LNPEP: variants seen among roughly 807,000 people sequenced by gnomAD.
LNPEP encodes leucyl-cystinyl aminopeptidase.
Under a neutral mutation model 120.6 loss-of-function variants are expected in LNPEP, and 64 were observed. The observed-to-expected ratio is 0.53, with a 90% CI of 0.43 to 0.65. The LOEUF (loss-of-function observed/expected upper bound fraction) is 0.65, where lower values mean the gene tolerates loss of function less well. LNPEP is among the 30% of genes least tolerant of loss of function. The pLI, the probability that LNPEP is intolerant of heterozygous loss-of-function variation, is 0.00. For missense variants in LNPEP, 1,057 were observed against 1,200.0 expected (o/e 0.88, Z 1.76); for synonymous variants, 435 against 425.4 (o/e 1.02, Z -0.28).
chr5:97,021,923 G>GT (rs1165456605), intron 13 of LNPEP, among the ~76,000 whole-genome samples: 1,722 of 57,196 alleles, frequency 0.03, 362 homozygotes, highest in African/African-American at 0.082. Context: ...TTTGTCTTTT[G>GT]TTTTTTTTTT....
chr5:96,990,028 A>G (rs2112623078), intron 4 of LNPEP, among the ~76,000 whole-genome samples: 1 of 152,260 alleles, frequency 6.6e-6, no homozygotes, highest in South Asian at 2.1e-4. Context: ...ATCTGGAGGT[A>G]TGAGTGATGT....
chr5:96,973,948 T>C (rs1475545494), intron 1 of LNPEP, among the ~76,000 whole-genome samples: 2 of 152,102 alleles, frequency 1.3e-5, no homozygotes, highest in African/African-American at 4.8e-5. Flanking sequence ...GCACTGTAAA[T>C]TTGCCTTCTC....
Position 97,024,696 on chromosome 5 carries a change from G to A in LNPEP, c.2723+14G>A, listed in dbSNP as rs111814056. ...GAAGCTTTACTGGTATGAAATCACC[G>A]AGGAATATGATATACAGAAACCAAA... On this transcript the variant is annotated intron_variant, in intron 15 of 17. Coordinates refer to ENST00000231368, the MANE Select transcript of LNPEP (RefSeq NM_005575.3). 1.7e-5 allele frequency: 28 copies of A among 1,608,860 alleles called. No individual in the cohort carries two copies. The highest frequency in any genetic ancestry group is 1.6e-4 in the African/African-American group (12 of 74,776).
chr5:96,997,880 C>T, intron 7 of LNPEP, 134 bp from the exon 8 acceptor site: 1 of 558,874 alleles, frequency 1.8e-6, no homozygotes, highest in East Asian at 3.2e-5. Flanking sequence ...AAGCTTATAT[C>T]CTGAAGTTTA....
In LNPEP at chr5:96,954,735, C is replaced by CAT. The variant is rs1300956480; in HGVS notation, c.19+18571_19+18572dup. Among the ~76,000 whole-genome samples the CAT allele has an allele frequency of 2.1e-3, 148 of 69,658 alleles. 31 individuals carry two copies. The highest frequency in any genetic ancestry group is 2.8e-3 in the Non-Finnish European group (102 of 36,446). 45.7% of individuals were successfully genotyped at this position (69,658 alleles called of 152,430 possible). On this transcript the variant is annotated intron_variant, in intron 1 of 17. Transcript: ENST00000231368. Reference sequence around the variant, plus strand: ...ACACATATATATACATATATATATACATATATATATACACATATATATATA... The same window carrying CAT: ...ACACATATATATACATATATATATACATATATATATATACACATATATATATA...
chr5:96,939,369 A>G (rs1788999171), intron 1 of LNPEP, among the ~76,000 whole-genome samples: 1 of 151,940 alleles, frequency 6.6e-6, no homozygotes, highest in Admixed American at 6.6e-5. Flanking sequence ...GCCCGCCACC[A>G]TGCCCAAATA....
At chr5:97,024,264 C>T (rs1791285105) in intron 14 of LNPEP, among the ~76,000 whole-genome samples, 1 of 152,210 alleles carries the variant, frequency 6.6e-6, no homozygotes, top group Non-Finnish European at 1.5e-5. Context: ...TCCTTTTCCG[C>T]TCCCTAGTGT....
chr5:97,016,977 G>T (rs1791083094), intron 13 of LNPEP, among the ~76,000 whole-genome samples: 1 of 152,136 alleles, frequency 6.6e-6, no homozygotes, highest in South Asian at 2.1e-4. Context: ...TTCGATGAAT[G>T]TCTTTATGCA....
chr5:96,960,762 C>T (rs866368182), intron 1 of LNPEP, among the ~76,000 whole-genome samples: 12 of 152,074 alleles, frequency 7.9e-5, no homozygotes, highest in African/African-American at 2.4e-4. Flanking sequence ...TCTCTCATCT[C>T]AAATACCATG....
At chr5:97,015,228 T>G (rs762682394) in intron 13 of LNPEP, 133 bp downstream of exon 13, 30 of 547,822 alleles carry the variant, frequency 5.5e-5, no homozygotes, top group Non-Finnish European at 8.6e-5. Flanking sequence ...GCTTGTGAAA[T>G]CTTTACTTAA....
intron 12 of LNPEP, among the ~76,000 whole-genome samples, chr5:97,014,156 G>A (rs1320227147): frequency 1.3e-5 from 2 of 152,134 alleles, no homozygotes; most frequent in Admixed American, 1.3e-4. Flanking sequence ...AACAGCAGTT[G>A]GTTTAAGCAT....
Position 96,998,125 on chromosome 5 carries a change from G to T in LNPEP, c.1633G>T (p.Asp545Tyr). Residue 545 changes from aspartate to tyrosine, a missense_variant, in exon 8 of 18, where the codon GAT (aspartate) becomes TAT (tyrosine). Transcript: ENST00000231368. ...TTCAGAACAAATTGAAGAAATGTTT[G>T]ATTCTCTTTCCTATTTTAAGGTATT... is the stretch of plus-strand genomic sequence containing the variant. Reference protein sequence around the residue: ...QSSEQIEEMFDSLSYFKGSSL... With the variant: ...QSSEQIEEMFYSLSYFKGSSL... 1 of 1,599,120 alleles carries T rather than the reference G, an allele frequency of 6.3e-7. No homozygotes were observed. Among genetic ancestry groups the T allele is most frequent in the South Asian group, 1.1e-5 (1 of 88,428 alleles).
At chr5:97,021,845 CT>C (rs80051253) in intron 13 of LNPEP, among the ~76,000 whole-genome samples, 3 of 143,636 alleles carry the variant, frequency 2.1e-5, no homozygotes, top group Admixed American at 6.9e-5. Context: ...ATATCTATGC[CT>C]TTTTTTTTCC....
rs1330729683 is a variant in LNPEP at position 97,026,729 on chromosome 5, A to C, written c.2836A>C (p.Lys946Gln). 6.2e-7 allele frequency: 1 copy of C among 1,613,652 alleles called. No individual in the cohort carries two copies. The highest frequency in any genetic ancestry group is 1.7e-5 in the Admixed American group (1 of 60,024). The stretch of plus-strand genomic sequence containing the variant: ...ACACTTACTGGCATGGGATTTTGTC[A>C]AAGAGAACTGGAATAAGCTTGTACA... The part of the protein sequence containing the change: ...PGHLLAWDFV[K>Q]ENWNKLVQKF... The change falls in exon 16 of 18, where the codon AAA becomes CAA. Residue 946 changes from lysine (K) to glutamine (Q), a missense_variant. Transcript: ENST00000231368.
chr5:97,027,892 ATGG>A (rs1177805924), intron 17 of LNPEP, 78 bp downstream of exon 17: 3 of 837,828 alleles, frequency 3.6e-6, no homozygotes, highest in Non-Finnish European at 6.2e-6. Context: ...TTTTAGTGAG[ATGG>A]TGGATTTTCA....
At chr5:97,018,731 T>C (rs1378628791) in intron 13 of LNPEP, among the ~76,000 whole-genome samples, 2 of 152,256 alleles carry the variant, frequency 1.3e-5, no homozygotes, top group Non-Finnish European at 2.9e-5. Flanking sequence ...AATGTATTAC[T>C]GTCTAAGACT....
chr5:96,942,251 A>G, intron 1 of LNPEP: 1 of 152,106 alleles, frequency 6.6e-6, no homozygotes, highest in Non-Finnish European at 1.5e-5. Context: ...GAGCTGTGGT[A>G]AGCCTGCTCT....
Position 97,027,732 on chromosome 5 carries a change from G to C in LNPEP, c.2865-1G>C, listed in dbSNP as rs1791380334. ...TTGCTCTTGTTTTTGTGTTTCTTCA[G>C]GTTCCCTCTGGGGTCCTATACCATA... On this transcript the variant is annotated splice_acceptor_variant, in intron 16 of 17. Coordinates refer to ENST00000231368, the MANE Select transcript of LNPEP (RefSeq NM_005575.3). LOFTEE classifies it high-confidence loss of function. 6.3e-7 allele frequency: 1 copy of C among 1,585,380 alleles called. No homozygotes were observed. The highest frequency in any genetic ancestry group is 1.3e-5 in the African/African-American group (1 of 74,336).
rs1008702185 is a variant in LNPEP at position 96,979,582 on chromosome 5, C to T, written c.464C>T (p.Ala155Val). 2 of 1,613,940 alleles carry T rather than the reference C, an allele frequency of 1.2e-6. No homozygotes were observed. The highest frequency in any genetic ancestry group is 1.3e-5 in the African/African-American group (1 of 74,930). ...NQSIGLIQPF[A>V]TNGKLFPWAQ... ...TCAATTGGACTAATTCAGCCATTTG[C>T]AACAAATGGGAAATTGTTTCCATGG... is the stretch of plus-strand genomic sequence containing the variant. The change falls in exon 2 of 18, where the codon GCA (alanine) becomes GTA (valine). Residue 155 changes from alanine (A) to valine (V), a missense_variant. Ala to Val is a moderately conservative substitution (Grantham distance 64). Transcript: ENST00000231368.
Sources: allele counts gnomAD v4.1 joint callset (sites outside exome capture counted in the v4.1 genomes callset), GRCh38; gene constraint gnomAD v4.1.1; transcripts MANE v1.5; gene names NCBI Gene and HGNC (gene_info 2026-07-23, HGNC 2026-07-21).